KIAA1958: variants seen among roughly 807,000 people sequenced by gnomAD.
KIAA1958 encodes uncharacterized protein KIAA1958.
A neutral mutation model predicts 47.2 loss-of-function variants in KIAA1958; 14 were observed. The observed-to-expected ratio is 0.30, with a 90% CI of 0.20 to 0.46. The LOEUF (loss-of-function observed/expected upper bound fraction) is 0.46. KIAA1958 is among the 20% of genes least tolerant of loss of function. The pLI, the probability that KIAA1958 is intolerant of heterozygous loss-of-function variation, is 1.00. For synonymous variants in KIAA1958, 354 were observed against 353.3 expected (o/e 1.00, Z -0.02); for missense variants, 803 against 909.2 (o/e 0.88, Z 1.50).
chr9:112,610,928 A>G (rs1300325452), intron 2 of KIAA1958, among the ~76,000 whole-genome samples: 1 of 152,216 alleles, frequency 6.6e-6, no homozygotes, highest in South Asian at 2.1e-4. Flanking sequence ...ACATTAAATA[A>G]TGCTTCTACA....
chr9:112,603,109 T>C (rs1305950687), intron 2 of KIAA1958, among the ~76,000 whole-genome samples: 1 of 152,110 alleles, frequency 6.6e-6, no homozygotes, highest in Non-Finnish European at 1.5e-5. Flanking sequence ...ACAAAACAAG[T>C]AAACAAAGAG....
chr9:112,498,184 C>T (rs1834076232), intron 1 of KIAA1958, among the ~76,000 whole-genome samples: 1 of 152,128 alleles, frequency 6.6e-6, no homozygotes, highest in Admixed American at 6.6e-5. Flanking sequence ...AGGAGTTCTA[C>T]ATTAGTGAAT....
intron 2 of KIAA1958, among the ~76,000 whole-genome samples, chr9:112,612,550 A>G (rs1836344023): frequency 6.7e-6 from 1 of 150,026 alleles, no homozygotes; most frequent in Admixed American, 6.8e-5. Flanking sequence ...ACAGATAACT[A>G]GTATGTACTT....
chr9:112,651,749 G>A (rs557794548), intron 3 of KIAA1958, among the ~76,000 whole-genome samples: 2 of 151,892 alleles, frequency 1.3e-5, no homozygotes, highest in African/African-American at 2.4e-5. Flanking sequence ...CCCAATACTT[G>A]GAAGTTAGCA....
intron 1 of KIAA1958, among the ~76,000 whole-genome samples, chr9:112,498,989 T>C (rs1157441939): frequency 1.3e-5 from 2 of 152,234 alleles, no homozygotes; most frequent in East Asian, 3.8e-4. Flanking sequence ...TGAGAACATG[T>C]GGCATTTATT....
intron 1 of KIAA1958, among the ~76,000 whole-genome samples, chr9:112,559,747 G>A (rs1395863422): frequency 6.6e-6 from 1 of 152,218 alleles, no homozygotes; most frequent in Non-Finnish European, 1.5e-5. Context: ...AATTAAAAAT[G>A]TTAAACATCA....
chr9:112,503,094 G>A (rs1188760534), intron 1 of KIAA1958, among the ~76,000 whole-genome samples: 1 of 152,018 alleles, frequency 6.6e-6, no homozygotes, highest in Non-Finnish European at 1.5e-5. Context: ...AAATAAATAA[G>A]TAAAATAACA....
chr9:112,559,396 A>G (rs530974937), intron 1 of KIAA1958, among the ~76,000 whole-genome samples: 13 of 152,324 alleles, frequency 8.5e-5, no homozygotes, highest in Admixed American at 5.2e-4. Flanking sequence ...AGAATAAGGA[A>G]AGGCAGTATC....
chr9:112,624,510 G>A (rs1836570118), intron 2 of KIAA1958, among the ~76,000 whole-genome samples: 1 of 152,118 alleles, frequency 6.6e-6, no homozygotes, highest in Admixed American at 6.6e-5. Flanking sequence ...TTTGGGAGTT[G>A]GTGTATTTCT....
In KIAA1958 at chr9:112,627,246, T is replaced by A. The variant is rs184201100; in HGVS notation, c.1172-18404T>A. On this transcript the variant is annotated intron_variant, in intron 2 of 3. Coordinates refer to ENST00000337530, the MANE Select transcript of KIAA1958 (RefSeq NM_133465.4). ...TGCAAAAAGAGAAAGAAAGCAAGAA[T>A]TCTGAACTTTTCTAATACTCTCTCC... Among the ~76,000 whole-genome samples the A allele has an allele frequency of 1.1e-3, 171 of 152,356 alleles. 1 individual carries two copies. The highest frequency in any genetic ancestry group is 0.011 in the Admixed American group (165 of 15,298).
At chr9:112,579,518 C>T (rs190061858) in intron 2 of KIAA1958, among the ~76,000 whole-genome samples, 11 of 152,056 alleles carry the variant, frequency 7.2e-5, no homozygotes, top group South Asian at 2.1e-4. Flanking sequence ...TCTCATTCTC[C>T]GCTGAATTGA....
intron 1 of KIAA1958, among the ~76,000 whole-genome samples, chr9:112,505,408 G>A (rs1834217027): frequency 6.6e-6 from 1 of 152,132 alleles, no homozygotes; most frequent in Non-Finnish European, 1.5e-5. Context: ...GTGAGGATTA[G>A]GTAAATTCGT....
In KIAA1958 at chr9:112,562,346, C is replaced by A. The variant is rs149363699; in HGVS notation, c.-24-11711C>A. Among the ~76,000 whole-genome samples the A allele has an allele frequency of 5.6e-4, 85 of 152,188 alleles. 1 individual carries two copies. Among genetic ancestry groups the A allele is most frequent in the African/African-American group, 2.0e-3 (85 of 41,514 alleles). ...AGGGACCGAGAGGTAAAATAACTTG[C>A]CCAAGGTCACATAGCTAGCAAGTGG... On this transcript the variant is annotated intron_variant, in intron 1 of 3. Transcript: ENST00000337530.
intron 2 of KIAA1958, among the ~76,000 whole-genome samples, chr9:112,631,807 T>C (rs1407716544): frequency 6.6e-6 from 1 of 152,192 alleles, no homozygotes; most frequent in Non-Finnish European, 1.5e-5. Flanking sequence ...AAAAGATCTT[T>C]AGTTTTTGAA....
chr9:112,528,405 A>G (rs1157595688), intron 1 of KIAA1958, among the ~76,000 whole-genome samples: 6 of 152,196 alleles, frequency 3.9e-5, no homozygotes, highest in Non-Finnish European at 5.9e-5. Context: ...TATTCCTGGC[A>G]TGCTCTCATG....
At chr9:112,622,990 T>C (rs914218539) in intron 2 of KIAA1958, among the ~76,000 whole-genome samples, 3 of 152,242 alleles carry the variant, frequency 2.0e-5, no homozygotes, top group Non-Finnish European at 4.4e-5. Flanking sequence ...AACTCTATGC[T>C]AATACTATTT....
intron 2 of KIAA1958, among the ~76,000 whole-genome samples, chr9:112,577,596 A>T (rs1835668074): frequency 6.6e-6 from 1 of 151,178 alleles, no homozygotes; most frequent in Non-Finnish European, 1.5e-5. Context: ...GGTCCAGTGT[A>T]CCCAGTTTGG....
chr9:112,511,923 T>C (rs1010032234), intron 1 of KIAA1958, among the ~76,000 whole-genome samples: 3 of 152,136 alleles, frequency 2.0e-5, no homozygotes, highest in African/African-American at 7.2e-5. Context: ...TGACAACTTA[T>C]ATAAAATGGA....
intron 2 of KIAA1958, among the ~76,000 whole-genome samples, chr9:112,613,095 CTG>C (rs1836354562): frequency 6.6e-6 from 1 of 152,062 alleles, no homozygotes; most frequent in Admixed American, 6.5e-5. Flanking sequence ...ATATAATCAA[CTG>C]GTAACATTGG....
Sources: gnomAD v4.1 joint callset for allele counts (sites outside exome capture counted in the v4.1 genomes callset) on GRCh38, gnomAD v4.1.1 for gene constraint, MANE v1.5 for transcripts, NCBI Gene and HGNC (gene_info 2026-07-23, HGNC 2026-07-21) for gene names.